The following ADAMTS18 variants were observed in gnomAD, a reference collection of about 807,000 sequenced individuals.
The protein encoded by ADAMTS18 is ADAM metallopeptidase with thrombospondin type 1 motif 18, also known as A disintegrin and metalloproteinase with thrombospondin motifs 18.
ADAMTS18 carries 157 observed loss-of-function variants against 165.9 expected under a neutral mutation model. The observed-to-expected ratio is 0.95, with a 90% CI of 0.83 to 1.08. The LOEUF is 1.08. Among genes scored for constraint, ADAMTS18 ranks in the 50% least tolerant of loss-of-function variants. The pLI, the probability that ADAMTS18 is intolerant of heterozygous loss-of-function variation, is 0.00. For missense variants in ADAMTS18, 2,040 were observed against 1,534.0 expected (o/e 1.33, Z -5.51); for synonymous variants, 782 against 578.2 (o/e 1.35, Z -5.06).
chr16:77,367,048 C>T (rs2056805348), intron 4 of ADAMTS18, among the ~76,000 whole-genome samples: 1 of 152,150 alleles, frequency 6.6e-6, no homozygotes, highest in Non-Finnish European at 1.5e-5. Flanking sequence ...AGCTACCTCC[C>T]TCACATGCTA....
At chr16:77,354,972 T>G (rs201014890) in intron 9 of ADAMTS18, among the ~76,000 whole-genome samples, 1 of 152,300 alleles carries the variant, frequency 6.6e-6, no homozygotes, top group African/African-American at 2.4e-5. Context: ...GTCTGTTGAT[T>G]TTTTACCACC....
Position 77,431,606 on chromosome 16 carries a change from C to T in ADAMTS18, c.184G>A (p.Val62Ile), listed in dbSNP as rs113979389. The T allele has an allele frequency of 6.1e-5, 98 of 1,613,920 alleles. No homozygotes were observed. In the African/African-American group the frequency reaches 1.1e-3, roughly 18 times the overall value. Residue 62 changes from valine (V) to isoleucine (I), a missense_variant, in exon 3 of 23, where the codon GTC (valine) becomes ATC (isoleucine). Transcript: ENST00000282849. ...SGASGLNDDY[V>I]FVTPVEVDSA... Reference sequence around the variant, plus strand: ...TCTACTTCTACTGGCGTGACAAAGACGTAATCTGCAATGGGAAAAGTTCAG... The same window carrying T: ...TCTACTTCTACTGGCGTGACAAAGATGTAATCTGCAATGGGAAAAGTTCAG...
chr16:77,355,029 G>T (rs1378420113), intron 9 of ADAMTS18, among the ~76,000 whole-genome samples: 1 of 152,140 alleles, frequency 6.6e-6, no homozygotes, highest in Non-Finnish European at 1.5e-5. Context: ...TATGCTTTGT[G>T]TATAGATCTT....
rs1172760577 is a variant in ADAMTS18 at position 77,434,617 on chromosome 16, G to A, written c.79C>T (p.Arg27Cys). The change falls in exon 1 of 23, where the codon CGC becomes TGC. Residue 27 changes from arginine (R) to cysteine (C), a missense_variant. By Grantham distance (180) the Arg-to-Cys change is radical. Coordinates refer to ENST00000282849, the MANE Select transcript of ADAMTS18 (RefSeq NM_199355.4). Reference protein sequence around the residue: ...GPPRGLAGLGRVAKALQLCCL... With the variant: ...GPPRGLAGLGCVAKALQLCCL... ...TCGGCGGCACCTGCCTTGGCCACGC[G>A]CCCCAGTCCCGCCAGGCCCCTCGGC... is the stretch of plus-strand genomic sequence containing the variant. 6 of 1,510,620 alleles carry A rather than the reference G, an allele frequency of 4.0e-6. No individual in the cohort carries two copies. Among genetic ancestry groups the A allele is most frequent in the South Asian group, 2.5e-5 (2 of 81,452 alleles). 93.6% of individuals were successfully genotyped at this position (1,510,620 alleles called of 1,614,324 possible).
intron 12 of ADAMTS18, among the ~76,000 whole-genome samples, chr16:77,334,763 C>T (rs62652211): frequency 5.8e-4 from 4 of 6,852 alleles, no homozygotes; most frequent in East Asian, 4.0e-3. Flanking sequence ...CTATAGTATA[C>T]AGTATATATA....
At chr16:77,296,479 A>G (rs1393629765) in intron 18 of ADAMTS18, among the ~76,000 whole-genome samples, 1 of 152,154 alleles carries the variant, frequency 6.6e-6, no homozygotes, top group Admixed American at 6.5e-5. Flanking sequence ...AAATTGAACT[A>G]ATTTAGGATT....
intron 17 of ADAMTS18, among the ~76,000 whole-genome samples, 184 bp from the exon 18 acceptor site, chr16:77,297,599 A>T (rs191352296): frequency 6.6e-6 from 1 of 151,944 alleles, no homozygotes; most frequent in South Asian, 2.1e-4. Context: ...CCCTCCCTAA[A>T]ATAATATATT....
intron 13 of ADAMTS18, among the ~76,000 whole-genome samples, chr16:77,323,557 CTTT>C (rs34433387): frequency 2.8e-5 from 4 of 141,052 alleles, no homozygotes; most frequent in Admixed American, 1.4e-4. Flanking sequence ...TAGAAAGTTC[CTTT>C]TTTTTTTTTT....
chr16:77,407,538 G>C (rs374556164), intron 3 of ADAMTS18, among the ~76,000 whole-genome samples: 2 of 152,022 alleles, frequency 1.3e-5, no homozygotes, highest in Admixed American at 1.3e-4. Context: ...TCCTAAATAC[G>C]TGTAAGACAT....
chr16:77,293,329 C>CACA, intron 19 of ADAMTS18, 71 bp from the exon 20 acceptor site: 1 of 1,283,178 alleles, frequency 7.8e-7, no homozygotes, highest in Non-Finnish European at 1.1e-6. Flanking sequence ...AAAAAAACAA[C>CACA]ACACTAAATA....
chr16:77,388,064 C>A (rs1038320123), intron 3 of ADAMTS18, among the ~76,000 whole-genome samples: 1 of 152,178 alleles, frequency 6.6e-6, no homozygotes, highest in African/African-American at 2.4e-5. Flanking sequence ...AAGCTGTAGG[C>A]ACTACGCACT....
chr16:77,324,157 G>A (rs559334610), intron 13 of ADAMTS18, among the ~76,000 whole-genome samples: 1 of 152,284 alleles, frequency 6.6e-6, no homozygotes, highest in Admixed American at 6.5e-5. Flanking sequence ...CAAACCAAAA[G>A]CAAAGAACAG....
At chr16:77,295,241 AATAAG>A in intron 18 of ADAMTS18, 114 bp from the exon 19 acceptor site, 8 of 1,053,984 alleles carry the variant, frequency 7.6e-6, no homozygotes, top group Non-Finnish European at 1.1e-5. Context: ...TTTCAGAACC[AATAAG>A]ATAAGTTATT....
At chr16:77,350,157 T>A (rs1195304517) in intron 10 of ADAMTS18, among the ~76,000 whole-genome samples, 2 of 152,226 alleles carry the variant, frequency 1.3e-5, no homozygotes, top group Non-Finnish European at 2.9e-5. Flanking sequence ...CTCCACTTGT[T>A]ACAGAGGGAA....
At chr16:77,400,483 TTG>T (rs1389559200) in intron 3 of ADAMTS18, among the ~76,000 whole-genome samples, 7,869 of 129,648 alleles carry the variant, frequency 0.061, 305 homozygotes, top group Non-Finnish European at 0.093. Context: ...TGTGTGTGTT[TTG>T]TTTTTTTTTT....
chr16:77,324,849 C>A (rs76367099), intron 13 of ADAMTS18, among the ~76,000 whole-genome samples: 2 of 152,078 alleles, frequency 1.3e-5, no homozygotes, highest in South Asian at 2.1e-4. Context: ...TCTATAGGTA[C>A]CTCATTACTT....
At chr16:77,380,164 A>T (rs2057011054) in intron 3 of ADAMTS18, among the ~76,000 whole-genome samples, 1 of 152,184 alleles carries the variant, frequency 6.6e-6, no homozygotes, top group African/African-American at 2.4e-5. Context: ...TCACTAACCC[A>T]CTGGGGCTCC....
intron 10 of ADAMTS18, among the ~76,000 whole-genome samples, chr16:77,343,147 A>T (rs540131635): frequency 6.7e-6 from 1 of 148,972 alleles, no homozygotes; most frequent in East Asian, 2.0e-4. Context: ...ATCTCGGCTC[A>T]CTGCAACCCC....
intron 3 of ADAMTS18, among the ~76,000 whole-genome samples, chr16:77,414,578 T>C (rs1464360590): frequency 2.0e-5 from 3 of 152,230 alleles, no homozygotes; most frequent in African/African-American, 7.2e-5. Context: ...ACTTGCATTA[T>C]ATTTCTACTG....
Sources: allele counts gnomAD v4.1 joint callset (sites outside exome capture counted in the v4.1 genomes callset), GRCh38; gene constraint gnomAD v4.1.1; transcripts MANE v1.5; gene names NCBI Gene and HGNC (gene_info 2026-07-23, HGNC 2026-07-21).